ELF1: variants seen among roughly 807,000 people sequenced by gnomAD.
The protein encoded by ELF1 is ETS-related transcription factor Elf-1.
A neutral mutation model predicts 59.9 loss-of-function variants in ELF1; 24 were observed. The ratio of observed to expected loss-of-function variants is 0.40; its 90% confidence interval spans 0.29 to 0.56. The LOEUF is 0.56. Ranked by LOEUF, ELF1 falls within the 20% of genes least tolerant of loss-of-function variation. The pLI is 0.44. For missense variants in ELF1, 627 were observed against 742.2 expected (o/e 0.84, Z 1.80); for synonymous variants, 248 against 266.2 (o/e 0.93, Z 0.67).
rs749050855 is a variant in ELF1 at position 40,933,390 on chromosome 13, TAACA to T, written c.*31_*34del. The T allele has an allele frequency of 6.3e-7, 1 of 1,575,934 alleles. No homozygotes were observed. The highest frequency in any genetic ancestry group is 8.6e-7 in the Non-Finnish European group (1 of 1,162,686). On this transcript the variant is annotated 3_prime_UTR_variant, in exon 9 of 9. Coordinates refer to ENST00000239882, the MANE Select transcript of ELF1 (RefSeq NM_172373.4). The stretch of plus-strand genomic sequence containing the variant: ...CTGCATATAATTGAAAATGTTCAAT[TAACA>T]AACAATTATTCATAAGCTTTGGTAT...
At chr13:40,993,899 A>AT (rs34145306) in intron 1 of ELF1, among the ~76,000 whole-genome samples, 22,660 of 149,552 alleles carry the variant, frequency 0.15, 1,979 homozygotes, top group East Asian at 0.33. Flanking sequence ...GCACAAATCG[A>AT]TTTTTTTTTT....
intron 2 of ELF1, among the ~76,000 whole-genome samples, chr13:40,977,309 G>A (rs887958625): frequency 6.6e-6 from 1 of 152,036 alleles, no homozygotes. Flanking sequence ...ATTCAATACT[G>A]ATGGGGTTGC....
intron 2 of ELF1, among the ~76,000 whole-genome samples, chr13:40,959,276 C>T (rs1421396606): frequency 6.6e-6 from 1 of 151,986 alleles, no homozygotes; most frequent in East Asian, 1.9e-4. Context: ...GCAGGCAGAT[C>T]ACGAGGGTCA....
At chr13:40,956,124 A>G (rs1451851830) in intron 3 of ELF1, among the ~76,000 whole-genome samples, 1 of 150,228 alleles carries the variant, frequency 6.7e-6, no homozygotes, top group East Asian at 1.9e-4. Flanking sequence ...GTTTTGTGGA[A>G]TAGAAAGGGG....
At chr13:40,988,256 G>A (rs977717170) in intron 1 of ELF1, among the ~76,000 whole-genome samples, 2 of 152,188 alleles carry the variant, frequency 1.3e-5, no homozygotes, top group Non-Finnish European at 2.9e-5. Flanking sequence ...GGATTACCTA[G>A]GACAACATAT....
Position 40,933,759 on chromosome 13 carries a change from G to A in ELF1, c.1526C>T (p.Thr509Ile), listed in dbSNP as rs544414935. The A allele has an allele frequency of 1.5e-5, 24 of 1,614,152 alleles. No homozygotes were observed. Among genetic ancestry groups the A allele is most frequent in the Middle Eastern group, 3.3e-4 (2 of 6,084 alleles). ...ATTGCAAATGGTCTGAACATTGCTA[G>A]TAAGGACCTGCTGAACCTGGGCAGG... Reference protein sequence around the residue: ...LGPAQVQQVLTSNVQTICNGT... With the variant: ...LGPAQVQQVLISNVQTICNGT... Residue 509 changes from threonine (T) to isoleucine (I), a missense_variant, in exon 9 of 9, where the codon ACT becomes ATT. Physicochemically the swap from Thr to Ile is moderately conservative, Grantham distance 89. Transcript: ENST00000239882.
chr13:40,981,404 A>G (rs1873262708), intron 2 of ELF1, among the ~76,000 whole-genome samples: 1 of 152,102 alleles, frequency 6.6e-6, no homozygotes, highest in African/African-American at 2.4e-5. Flanking sequence ...AGTATCTCCT[A>G]GATCTTTTTT....
intron 1 of ELF1, among the ~76,000 whole-genome samples, chr13:41,016,947 A>AATATATATATATATATAT (rs1276103107): frequency 4.0e-5 from 1 of 24,728 alleles, no homozygotes; most frequent in Non-Finnish European, 6.8e-5. Context: ...AAAAAAAAAA[A>AATATATATATATATATAT]ATATATATAT....
At position 40,943,110 on chromosome 13, in the gene ELF1, T is replaced by C. The variant is rs558100783; in HGVS notation, c.648A>G (p.Ala216=). 5.8e-6 allele frequency: 9 copies of C among 1,556,522 alleles called. No homozygotes were observed. The highest frequency in any genetic ancestry group is 1.9e-5 in the Admixed American group (1 of 53,020). Reference sequence around the variant, plus strand: ...GACAAGTAGCCTTGTCCTGGAGCAGTGCCAGTAAAAACTCCCAAAGATAAA... The same window carrying C: ...GACAAGTAGCCTTGTCCTGGAGCAGCGCCAGTAAAAACTCCCAAAGATAAA... ...NTIYLWEFLL[A]LLQDKATCPK... is the part of the protein sequence containing the mutation. The change falls in exon 7 of 9, where the codon GCA becomes GCG. Residue 216 remains alanine, a synonymous_variant. Transcript: ENST00000239882.
At chr13:40,971,552 G>C (rs921844584) in intron 2 of ELF1, among the ~76,000 whole-genome samples, 2 of 152,182 alleles carry the variant, frequency 1.3e-5, no homozygotes, top group African/African-American at 4.8e-5. Context: ...CGTCTGGCCA[G>C]TATTTGAGTG....
chr13:40,945,694 G>C (rs1239721433), intron 5 of ELF1, among the ~76,000 whole-genome samples: 5 of 152,106 alleles, frequency 3.3e-5, no homozygotes, highest in Non-Finnish European at 7.4e-5. Context: ...CTGGAACTTT[G>C]ATTAAACATG....
chr13:40,935,440 G>A (rs1869699168), intron 8 of ELF1, among the ~76,000 whole-genome samples: 1 of 152,120 alleles, frequency 6.6e-6, no homozygotes, highest in Non-Finnish European at 1.5e-5. Flanking sequence ...ATAAAATAGT[G>A]GAGGAGAAAA....
chr13:40,952,573 TTGAATTCCTCAAGCCAGGCC>T (rs1419664402), intron 3 of ELF1, among the ~76,000 whole-genome samples: 21 of 152,196 alleles, frequency 1.4e-4, no homozygotes, highest in East Asian at 3.9e-4. Flanking sequence ...TGTTGCTCAC[TTGAATTCCTCAAGCCAGGCC>T]TGAATTCCTC....
chr13:41,007,844 CA>C (rs1459650003), intron 1 of ELF1, among the ~76,000 whole-genome samples: 1 of 152,188 alleles, frequency 6.6e-6, no homozygotes, highest in Non-Finnish European at 1.5e-5. Context: ...GAGACCCTTT[CA>C]GGGGGCTCCT....
At chr13:40,976,916 A>G (rs1247182129) in intron 2 of ELF1, among the ~76,000 whole-genome samples, 1 of 152,168 alleles carries the variant, frequency 6.6e-6, no homozygotes, top group Non-Finnish European at 1.5e-5. Flanking sequence ...GAAAGTGCTA[A>G]GACTACCTTC....
At chr13:41,005,533 T>C (rs1158677173) in intron 1 of ELF1, among the ~76,000 whole-genome samples, 1 of 151,684 alleles carries the variant, frequency 6.6e-6, no homozygotes, top group African/African-American at 2.4e-5. Context: ...ACTGATAACT[T>C]GCATCTTTGA....
At chr13:41,044,581 A>T (rs1021444744) in intron 1 of ELF1, among the ~76,000 whole-genome samples, 6 of 152,156 alleles carry the variant, frequency 3.9e-5, no homozygotes, top group Non-Finnish European at 5.9e-5. Context: ...CTCTGTTTAT[A>T]TGATGGATTA....
intron 1 of ELF1, among the ~76,000 whole-genome samples, chr13:41,006,710 AT>A (rs1273425396): frequency 6.6e-6 from 1 of 152,226 alleles, no homozygotes; most frequent in Non-Finnish European, 1.5e-5. Context: ...CCATGAAAAC[AT>A]TTTGAATAAA....
upstream of ELF1, among the ~76,000 whole-genome samples, chr13:41,022,651 C>T (rs1178608449): frequency 6.6e-6 from 1 of 152,156 alleles, no homozygotes. Flanking sequence ...GAGGCCAAGG[C>T]AGGTGGATCA....
Sources: allele counts gnomAD v4.1 joint callset (sites outside exome capture counted in the v4.1 genomes callset), GRCh38; gene constraint gnomAD v4.1.1; transcripts MANE v1.5; gene names NCBI Gene and HGNC (gene_info 2026-07-23, HGNC 2026-07-21).